The following GPC5 variants were observed in gnomAD, a reference collection of about 807,000 sequenced individuals.
The protein encoded by GPC5 is glypican-5.
A neutral mutation model predicts 53.9 loss-of-function variants in GPC5; 47 were observed. That is an observed-to-expected ratio of 0.87 (90% CI 0.69 to 1.11). GPC5 has a LOEUF of 1.11. Among genes scored for constraint, GPC5 ranks in the 50% most tolerant of loss-of-function variants. GPC5 has a pLI of 0.00. For missense variants in GPC5, 748 were observed against 713.1 expected (o/e 1.05, Z -0.56); for synonymous variants, 286 against 263.3 (o/e 1.09, Z -0.84).
intron 6 of GPC5, among the ~76,000 whole-genome samples, chr13:92,124,405 G>C (rs1284274930): frequency 6.6e-6 from 1 of 151,998 alleles, no homozygotes; most frequent in Admixed American, 6.6e-5. Context: ...TTTAAAAAAG[G>C]TTCTTTTTAC....
rs2042014632 is a variant in GPC5 at position 92,164,693 on chromosome 13, T to A, written c.1561+19704T>A. Reference sequence around the variant, plus strand: ...AGGATGGTGGCCCTCTTCTCACAGCTCCACTAGATAGTGCCCCAGTGGGGA... The same window carrying A: ...AGGATGGTGGCCCTCTTCTCACAGCACCACTAGATAGTGCCCCAGTGGGGA... On this transcript the variant is annotated intron_variant, in intron 7 of 7. Transcript: ENST00000377067. Among the ~76,000 whole-genome samples, 3 of 152,092 alleles carry A rather than the reference T, an allele frequency of 2.0e-5. No individual in the cohort carries two copies. In the South Asian group the frequency reaches 6.2e-4, roughly 32 times the overall value.
chr13:91,442,500 AT>A (rs1281623093), intron 1 of GPC5, among the ~76,000 whole-genome samples: 1 of 152,166 alleles, frequency 6.6e-6, no homozygotes, highest in African/African-American at 2.4e-5. Context: ...CTAGAACTTT[AT>A]TTTGTATAAC....
chr13:91,847,419 A>G (rs894561150), intron 5 of GPC5, among the ~76,000 whole-genome samples: 1 of 151,960 alleles, frequency 6.6e-6, no homozygotes, highest in Non-Finnish European at 1.5e-5. Flanking sequence ...GCTTTACTGT[A>G]AGTACATCAT....
chr13:92,176,862 A>T (rs1292352048), intron 7 of GPC5, among the ~76,000 whole-genome samples: 1 of 152,194 alleles, frequency 6.6e-6, no homozygotes, highest in African/African-American at 2.4e-5. Flanking sequence ...CTGTATCTAC[A>T]GCTGGATAAT....
chr13:92,662,672 C>T (rs1230364207), intron 7 of GPC5, among the ~76,000 whole-genome samples: 1 of 152,136 alleles, frequency 6.6e-6, no homozygotes, highest in Non-Finnish European at 1.5e-5. Context: ...TCGTGAAGTG[C>T]CTGGGAGTTT....
chr13:92,819,353 G>C (rs889177014), intron 7 of GPC5, among the ~76,000 whole-genome samples: 3 of 150,320 alleles, frequency 2.0e-5, no homozygotes, highest in African/African-American at 7.6e-5. Flanking sequence ...TTAAATTCCA[G>C]CCTGCTGTCA....
chr13:92,269,930 A>T (rs1319955260), intron 7 of GPC5, among the ~76,000 whole-genome samples: 2 of 152,146 alleles, frequency 1.3e-5, no homozygotes, highest in Admixed American at 1.3e-4. Context: ...AAGCATCCCT[A>T]CCAAAGTCTA....
At chr13:92,840,567 T>C (rs1878401106) in intron 7 of GPC5, among the ~76,000 whole-genome samples, 1 of 152,160 alleles carries the variant, frequency 6.6e-6, no homozygotes, top group African/African-American at 2.4e-5. Context: ...TTTTCAAAAC[T>C]GTTTTGGCTA....
At chr13:92,467,392 TA>T (rs545447236) in intron 7 of GPC5, among the ~76,000 whole-genome samples, 13 of 152,116 alleles carry the variant, frequency 8.5e-5, no homozygotes, top group Non-Finnish European at 1.6e-4. Context: ...AGTTTATGCT[TA>T]TAGATGAGTC....
chr13:92,785,336 T>A (rs1328267229), intron 7 of GPC5, among the ~76,000 whole-genome samples: 1 of 152,118 alleles, frequency 6.6e-6, no homozygotes, highest in Admixed American at 6.6e-5. Flanking sequence ...AGTCATGGAA[T>A]GAAGTATGAA....
intron 7 of GPC5, among the ~76,000 whole-genome samples, chr13:92,637,622 CA>C (rs1407359040): frequency 6.6e-6 from 1 of 152,176 alleles, no homozygotes; most frequent in African/African-American, 2.4e-5. Context: ...AAGCAAACTT[CA>C]ACGCAAGCAA....
At chr13:91,423,331 T>A (rs987938581) in intron 1 of GPC5, among the ~76,000 whole-genome samples, 1 of 152,198 alleles carries the variant, frequency 6.6e-6, no homozygotes, top group Admixed American at 6.5e-5. Context: ...ATTGAAATGG[T>A]ATATATTTTG....
At chr13:92,490,806 G>T (rs1594245952) in intron 7 of GPC5, among the ~76,000 whole-genome samples, 1 of 152,052 alleles carries the variant, frequency 6.6e-6, no homozygotes, top group South Asian at 2.1e-4. Context: ...TGACTGAAAA[G>T]ATATATTGGG....
chr13:92,511,899 A>G (rs1404640530), intron 7 of GPC5, among the ~76,000 whole-genome samples: 2 of 152,106 alleles, frequency 1.3e-5, no homozygotes, highest in Non-Finnish European at 2.9e-5. Flanking sequence ...ATATGGTGAA[A>G]GAGAGACGTG....
intron 7 of GPC5, among the ~76,000 whole-genome samples, chr13:92,227,797 G>T (rs1429220074): frequency 6.6e-6 from 1 of 151,686 alleles, no homozygotes; most frequent in African/African-American, 2.4e-5. Context: ...ACTTATGAGG[G>T]GCATGTGATG....
intron 2 of GPC5, among the ~76,000 whole-genome samples, chr13:91,538,549 T>C (rs1216583021): frequency 6.6e-6 from 1 of 152,044 alleles, no homozygotes; most frequent in African/African-American, 2.4e-5. Flanking sequence ...CAAATAGATG[T>C]TAATCTCCAG....
intron 7 of GPC5, among the ~76,000 whole-genome samples, chr13:92,461,777 G>A (rs189337612): frequency 9.2e-5 from 14 of 152,308 alleles, no homozygotes; most frequent in Admixed American, 2.6e-4. Flanking sequence ...CAGACACTGG[G>A]TCTGCTGCCC....
rs78567716 is a variant in GPC5 at position 92,567,518 on chromosome 13, G to A, written c.1562-298764G>A. On this transcript the variant is annotated intron_variant, in intron 7 of 7. Transcript: ENST00000377067. ...GCATGAATGCTGTGAATCAACTGAT[G>A]TTAGAATGGGAGATTATCCTGGATT... Among the ~76,000 whole-genome samples the A allele has an allele frequency of 2.7e-4, 41 of 152,240 alleles. No individual in the cohort carries two copies. The East Asian group carries it at 5.8e-3, about 22-fold the overall frequency.
intron 6 of GPC5, among the ~76,000 whole-genome samples, chr13:92,037,702 A>G (rs2040904885): frequency 6.6e-6 from 1 of 152,210 alleles, no homozygotes; most frequent in Non-Finnish European, 1.5e-5. Context: ...CCTGAAACCT[A>G]TAAACCAACT....
Sources: gnomAD v4.1 joint callset for allele counts (sites outside exome capture counted in the v4.1 genomes callset) on GRCh38, gnomAD v4.1.1 for gene constraint, MANE v1.5 for transcripts, NCBI Gene and HGNC (gene_info 2026-07-23, HGNC 2026-07-21) for gene names.